Variants in TRIO observed in about 807,000 individuals in gnomAD.
TRIO encodes the protein triple functional domain protein.
TRIO carries 58 observed loss-of-function variants against 351.9 expected under a neutral mutation model. The observed-to-expected ratio is 0.16, with a 90% CI of 0.13 to 0.21. TRIO has a LOEUF of 0.21. Among genes scored for constraint, TRIO ranks in the 10% least tolerant of loss-of-function variants. TRIO has a pLI of 1.00. For missense variants in TRIO, 3,201 were observed against 4,027.8 expected, an observed-to-expected ratio of 0.79 and a Z score of 5.56; for synonymous variants, 1,758 against 1,595.7, an observed-to-expected ratio of 1.10 and a Z score of -2.42.
At chr5:14,401,429 C>A (rs931252741) in intron 31 of TRIO, among the ~76,000 whole-genome samples, 3 of 152,092 alleles carry the variant, frequency 2.0e-5, no homozygotes, top group African/African-American at 7.2e-5. Flanking sequence ...TGACCTGTTT[C>A]GAAAGGAAAA....
At chr5:14,416,600 C>T (rs1489343978) in intron 33 of TRIO, among the ~76,000 whole-genome samples, 2 of 152,310 alleles carry the variant, frequency 1.3e-5, no homozygotes, top group South Asian at 2.1e-4. Context: ...TTTGGCAGAA[C>T]ATCCTTGATT....
At chr5:14,365,447 C>A (rs1334396780) in intron 15 of TRIO, among the ~76,000 whole-genome samples, 1 of 152,112 alleles carries the variant, frequency 6.6e-6, no homozygotes. Flanking sequence ...GGACCATGAG[C>A]AGGAGGTGGT....
chr5:14,351,540 T>C (rs1222857059), intron 11 of TRIO, among the ~76,000 whole-genome samples: 2 of 152,186 alleles, frequency 1.3e-5, no homozygotes, highest in African/African-American at 2.4e-5. Flanking sequence ...CAGATACCAA[T>C]GGCAACAGCT....
chr5:14,437,860 C>T (rs532919270), intron 34 of TRIO, among the ~76,000 whole-genome samples: 1 of 152,068 alleles, frequency 6.6e-6, no homozygotes, highest in Admixed American at 6.6e-5. Context: ...TGGTTTGGGG[C>T]GATGTGAAAT....
At chr5:14,426,863 G>GT (rs571786254) in intron 34 of TRIO, among the ~76,000 whole-genome samples, 2 of 151,982 alleles carry the variant, frequency 1.3e-5, no homozygotes, top group African/African-American at 2.4e-5. Context: ...CGAGTTCTGG[G>GT]TTTTTTTTGT....
At chr5:14,429,362 A>G (rs1750907822) in intron 34 of TRIO, among the ~76,000 whole-genome samples, 1 of 152,132 alleles carries the variant, frequency 6.6e-6, no homozygotes, top group Non-Finnish European at 1.5e-5. Context: ...GAAGCGTGAG[A>G]TGAGATTTTG....
intron 24 of TRIO, 94 bp from the exon 25 acceptor site, chr5:14,389,195 A>G: frequency 3.3e-6 from 3 of 918,070 alleles, no homozygotes; most frequent in Non-Finnish European, 4.8e-6. Flanking sequence ...TTTCACTTAT[A>G]CATTAACTCT....
chr5:14,183,489 C>G (rs554111349), intron 1 of TRIO, among the ~76,000 whole-genome samples: 5 of 152,022 alleles, frequency 3.3e-5, no homozygotes, highest in South Asian at 2.1e-4. Context: ...ATTGCATCCC[C>G]TAAAAATGTA....
At chr5:14,245,116 T>C (rs1456168134) in intron 1 of TRIO, among the ~76,000 whole-genome samples, 1 of 152,238 alleles carries the variant, frequency 6.6e-6, no homozygotes, top group Non-Finnish European at 1.5e-5. Context: ...TGTGATCAGC[T>C]TCTCTAATAT....
At chr5:14,260,930 T>C (rs1795305765) in intron 1 of TRIO, among the ~76,000 whole-genome samples, 1 of 152,050 alleles carries the variant, frequency 6.6e-6, no homozygotes, top group Non-Finnish European at 1.5e-5. Flanking sequence ...AATACTGGAG[T>C]AGAGGGGATT....
chr5:14,187,252 T>TTA (rs1332269540), intron 1 of TRIO, among the ~76,000 whole-genome samples: 1 of 152,240 alleles, frequency 6.6e-6, no homozygotes, highest in Non-Finnish European at 1.5e-5. Context: ...GTATATAGCA[T>TTA]TAACAAGGAC....
intron 10 of TRIO, among the ~76,000 whole-genome samples, 196 bp from the exon 11 acceptor site, chr5:14,336,340 A>G (rs546250740): frequency 6.6e-6 from 1 of 152,350 alleles, no homozygotes; most frequent in African/African-American, 2.4e-5. Context: ...AAAGTTTAAC[A>G]ATCTAAAACA....
chr5:14,190,849 A>C (rs1430372701), intron 1 of TRIO, among the ~76,000 whole-genome samples: 1 of 152,232 alleles, frequency 6.6e-6, no homozygotes, highest in Non-Finnish European at 1.5e-5. Context: ...ACACCCCTTC[A>C]TCTGACACCT....
intron 21 of TRIO, 106 bp downstream of exon 21, chr5:14,381,358 G>T: frequency 7.2e-7 from 1 of 1,379,804 alleles, no homozygotes. Flanking sequence ...ATGACCCAGT[G>T]GGCTGTTCCA....
chr5:14,270,814 C>T lies in TRIO; in HGVS notation c.158-11C>T. 6.2e-7 allele frequency: 1 copy of T among 1,612,116 alleles called. No individual in the cohort carries two copies. Among genetic ancestry groups the T allele is most frequent in the South Asian group, 1.1e-5 (1 of 91,026 alleles). The stretch of plus-strand genomic sequence containing the variant: ...AACCCAGTAATTTTATTTTCTCCTT[C>T]TGTATTTCAGGGTTTCGAAAAAACG... On this transcript the variant is annotated splice_polypyrimidine_tract_variant and intron_variant, in intron 1 of 56. Coordinates refer to ENST00000344204, the MANE Select transcript of TRIO (RefSeq NM_007118.4).
chr5:14,342,487 G>A (rs1742029137), intron 11 of TRIO, among the ~76,000 whole-genome samples: 1 of 152,194 alleles, frequency 6.6e-6, no homozygotes, highest in Non-Finnish European at 1.5e-5. Context: ...CACTAAACAG[G>A]CCTCACTTCC....
chr5:14,422,968 T>C (rs1750303042), intron 34 of TRIO, among the ~76,000 whole-genome samples: 1 of 152,144 alleles, frequency 6.6e-6, no homozygotes, highest in Admixed American at 6.5e-5. Flanking sequence ...CTTTAAAAAA[T>C]GCCATCTGTT....
At chr5:14,498,476 C>T in intron 52 of TRIO, 43 bp from the exon 53 acceptor site, 4 of 1,598,878 alleles carry the variant, frequency 2.5e-6, no homozygotes, top group Non-Finnish European at 3.4e-6. Flanking sequence ...TGGCCACGTG[C>T]TCAGCTTTTC....
At chr5:14,265,752 G>A (rs1294927998) in intron 1 of TRIO, among the ~76,000 whole-genome samples, 1 of 152,122 alleles carries the variant, frequency 6.6e-6, no homozygotes, top group Non-Finnish European at 1.5e-5. Context: ...TAATTGATTT[G>A]GTCAGTGGGG....
Sources: gnomAD v4.1 joint callset for allele counts (sites outside exome capture counted in the v4.1 genomes callset) on GRCh38, gnomAD v4.1.1 for gene constraint, MANE v1.5 for transcripts, NCBI Gene and HGNC (gene_info 2026-07-23, HGNC 2026-07-21) for gene names.